Variants in SLC44A5 observed in about 807,000 individuals in gnomAD.
The protein encoded by SLC44A5 is choline transporter-like protein 5.
A neutral mutation model predicts 101.8 loss-of-function variants in SLC44A5; 57 were observed. That is an observed-to-expected ratio of 0.56 (90% CI 0.45 to 0.70). The LOEUF (loss-of-function observed/expected upper bound fraction) is 0.70, where lower values mean the gene tolerates loss of function less well. SLC44A5 is among the 30% of genes least tolerant of loss of function. The pLI is 0.00. For synonymous variants in SLC44A5, 281 were observed against 290.9 expected (o/e 0.97, Z 0.35); for missense variants, 737 against 853.1 (o/e 0.86, Z 1.70).
chr1:75,520,250 CT>C (rs1670044732), intron 2 of SLC44A5, among the ~76,000 whole-genome samples: 2 of 152,050 alleles, frequency 1.3e-5, no homozygotes, highest in Non-Finnish European at 2.9e-5. Flanking sequence ...ATCCAGCTAC[CT>C]GAGAGACAGA....
intron 1 of SLC44A5, among the ~76,000 whole-genome samples, chr1:75,549,524 C>T (rs1226350818): frequency 2.0e-5 from 3 of 152,106 alleles, no homozygotes; most frequent in African/African-American, 7.2e-5. Flanking sequence ...ATTTATTCAA[C>T]AAACATTTAT....
the SLC44A5 span, chr1:75,677,694 A>AT: frequency 4.7e-6 from 2 of 423,162 alleles, no homozygotes; most frequent in African/African-American, 2.2e-5. Flanking sequence ...AACTAAATGC[A>AT]TAAAAAAAAC....
the SLC44A5 span, among the ~76,000 whole-genome samples, chr1:75,666,058 T>C: frequency 6.6e-6 from 1 of 152,168 alleles, no homozygotes; most frequent in Non-Finnish European, 1.5e-5. Flanking sequence ...GGAAAGCAAT[T>C]TGGAGATTTC....
chr1:75,688,745 G>A, the SLC44A5 span, among the ~76,000 whole-genome samples: 37,512 of 152,010 alleles, frequency 0.25, 5,006 homozygotes, highest in Non-Finnish European at 0.3. Context: ...TCCCATACAA[G>A]TGTCAGTATC....
At chr1:75,296,785 C>G (rs1654000009) in intron 5 of SLC44A5, among the ~76,000 whole-genome samples, 1 of 152,138 alleles carries the variant, frequency 6.6e-6, no homozygotes, top group African/African-American at 2.4e-5. Context: ...AAGCCAGGAT[C>G]CCACTTCCAG....
At chr1:75,254,230 G>A (rs1160353996) in intron 6 of SLC44A5, among the ~76,000 whole-genome samples, 1 of 151,976 alleles carries the variant, frequency 6.6e-6, no homozygotes, top group Non-Finnish European at 1.5e-5. Flanking sequence ...GTGGAGACGT[G>A]GTTTCGGCAT....
the SLC44A5 span, among the ~76,000 whole-genome samples, chr1:75,657,650 A>G: frequency 1.3e-5 from 2 of 152,150 alleles, no homozygotes; most frequent in African/African-American, 4.8e-5. Flanking sequence ...AATAGATTTC[A>G]AGTCAAAAAC....
chr1:75,216,262 C>T (rs1646960164), intron 18 of SLC44A5, among the ~76,000 whole-genome samples: 1 of 151,916 alleles, frequency 6.6e-6, no homozygotes, highest in Admixed American at 6.6e-5. Context: ...AGCATGATGT[C>T]GTCAAGGGTC....
chr1:75,457,481 G>A (rs1277240555), intron 2 of SLC44A5, among the ~76,000 whole-genome samples: 2 of 152,054 alleles, frequency 1.3e-5, no homozygotes, highest in African/African-American at 2.4e-5. Flanking sequence ...GAGAAACAGG[G>A]GAAAAAGTAT....
chr1:75,547,817 C>T (rs1207224569), intron 1 of SLC44A5, among the ~76,000 whole-genome samples: 1 of 152,114 alleles, frequency 6.6e-6, no homozygotes, highest in Non-Finnish European at 1.5e-5. Context: ...ATTAGACATC[C>T]ACCTTACAGT....
chr1:75,610,170 CACACAT>C (rs1344850911), intron 1 of SLC44A5, among the ~76,000 whole-genome samples: 1 of 147,418 alleles, frequency 6.8e-6, no homozygotes, highest in Non-Finnish European at 1.5e-5. Flanking sequence ...CACACACACA[CACACAT>C]AGTGAAGTCT....
intron 1 of SLC44A5, among the ~76,000 whole-genome samples, chr1:75,605,294 T>C (rs1210551398): frequency 6.6e-6 from 1 of 152,048 alleles, no homozygotes; most frequent in African/African-American, 2.4e-5. Flanking sequence ...GGACCTGTTC[T>C]GAGTTTCTTC....
intron 2 of SLC44A5, among the ~76,000 whole-genome samples, chr1:75,517,524 A>T (rs1669903032): frequency 6.6e-6 from 1 of 152,166 alleles, no homozygotes; most frequent in Non-Finnish European, 1.5e-5. Flanking sequence ...CGGGAAGAAA[A>T]TGGCAAAACA....
chr1:75,663,122 G>C, the SLC44A5 span, among the ~76,000 whole-genome samples: 1 of 152,080 alleles, frequency 6.6e-6, no homozygotes. Context: ...CTAGATAATA[G>C]AGTTACTCTC....
chr1:75,349,852 G>A (rs1330439623), intron 3 of SLC44A5, among the ~76,000 whole-genome samples: 1 of 152,118 alleles, frequency 6.6e-6, no homozygotes, highest in African/African-American at 2.4e-5. Flanking sequence ...ACTTTTATAA[G>A]TATGCAGGCT....
At position 75,242,986 on chromosome 1, in the gene SLC44A5, T is replaced by G; in HGVS notation, c.371A>C (p.Lys124Thr). 6.2e-7 allele frequency: 1 copy of G among 1,612,202 alleles called. No homozygotes were observed. Among genetic ancestry groups the G allele is most frequent in the Non-Finnish European group, 8.5e-7 (1 of 1,179,082 alleles). ...TTGCATTTCCACATAGGTTAAAAAT[T>G]TTTCTGGGCACTTGGAGACACAGAT... ...TQICVSKCPE[K>T]FLTYVEMQLL... Residue 124 changes from lysine (K) to threonine (T), a missense_variant, in exon 8 of 24, where the codon AAA becomes ACA. Physicochemically the swap from Lys to Thr is moderately conservative, Grantham distance 78. Transcript: ENST00000370859.
chr1:75,505,239 C>G (rs1669182800), intron 2 of SLC44A5, among the ~76,000 whole-genome samples: 1 of 152,090 alleles, frequency 6.6e-6, no homozygotes, highest in African/African-American at 2.4e-5. Flanking sequence ...TCTTTATTCA[C>G]ATTTTCTGTA....
At position 75,230,431 on chromosome 1, in the gene SLC44A5, A is replaced by G. The variant is rs542794879; in HGVS notation, c.854-2574T>C. On this transcript the variant is annotated intron_variant, in intron 12 of 23. Transcript: ENST00000370859. The stretch of plus-strand genomic sequence containing the variant: ...CCCAGCTAATTTTTATATTTTTTTT[A>G]GCAGAGACGGGGTTTCACCATGTTG... Among the ~76,000 whole-genome samples the G allele has an allele frequency of 2.0e-5, 3 of 151,576 alleles. No homozygotes were observed. In the South Asian group the frequency reaches 6.3e-4, roughly 32 times the overall value.
intron 1 of SLC44A5, among the ~76,000 whole-genome samples, chr1:75,597,057 G>A (rs946103610): frequency 9.2e-5 from 14 of 151,998 alleles, no homozygotes; most frequent in Admixed American, 2.6e-4. Context: ...ACATGGTGGC[G>A]CTTGCCTGTA....
Sources: gnomAD v4.1 joint callset for allele counts (sites outside exome capture counted in the v4.1 genomes callset) on GRCh38, gnomAD v4.1.1 for gene constraint, MANE v1.5 for transcripts, NCBI Gene and HGNC (gene_info 2026-07-23, HGNC 2026-07-21) for gene names.